PLEKHA5: variants seen among roughly 807,000 people sequenced by gnomAD.
PLEKHA5 encodes pleckstrin homology domain containing A5, also known as pleckstrin homology domain-containing family A member 5.
PLEKHA5 carries 55 observed loss-of-function variants against 181.9 expected under a neutral mutation model. The observed-to-expected ratio is 0.30, with a 90% CI of 0.24 to 0.38. PLEKHA5 has a LOEUF of 0.38. Ranked by LOEUF, PLEKHA5 falls within the 10% of genes least tolerant of loss-of-function variation. The pLI is 1.00. For missense variants in PLEKHA5, 1,432 were observed against 1,549.5 expected (o/e 0.92, Z 1.27); for synonymous variants, 535 against 529.4 (o/e 1.01, Z -0.15).
chr12:19,222,888 T>G (rs1323301011), intron 3 of PLEKHA5, among the ~76,000 whole-genome samples: 1 of 152,152 alleles, frequency 6.6e-6, no homozygotes. Flanking sequence ...GCTTTAATTT[T>G]GGCCTAAATT....
At chr12:19,158,584 A>G (rs529768431) in intron 3 of PLEKHA5, among the ~76,000 whole-genome samples, 1 of 152,106 alleles carries the variant, frequency 6.6e-6, no homozygotes, top group Non-Finnish European at 1.5e-5. Context: ...AAAAAGCACT[A>G]GTACCTAAAA....
At chr12:19,304,040 C>T (rs971417335) in intron 15 of PLEKHA5, among the ~76,000 whole-genome samples, 2 of 151,818 alleles carry the variant, frequency 1.3e-5, no homozygotes, top group Admixed American at 6.6e-5. Flanking sequence ...AACTCCTGGC[C>T]TCAAGTGATC....
intron 3 of PLEKHA5, among the ~76,000 whole-genome samples, chr12:19,132,992 A>T (rs894347478): frequency 2.0e-4 from 30 of 151,464 alleles, no homozygotes; most frequent in Admixed American, 1.2e-3. Flanking sequence ...TATAGGTAGC[A>T]AAAGTGATGT....
At chr12:19,290,902 C>A in intron 14 of PLEKHA5, 106 bp downstream of exon 14, 1 of 957,116 alleles carries the variant, frequency 1.0e-6, no homozygotes, top group Non-Finnish European at 1.5e-6. Context: ...TGAGCCCATA[C>A]CATCATTATA....
intron 3 of PLEKHA5, chr12:19,151,001 C>G (rs1032056385): frequency 6.6e-6 from 1 of 152,132 alleles, no homozygotes; most frequent in African/African-American, 2.4e-5. Flanking sequence ...ATGTATACTG[C>G]AAGGTTGGAG....
At position 19,357,717 on chromosome 12, in the gene PLEKHA5, C is replaced by A. The variant is rs150613966; in HGVS notation, c.3139-511C>A. 9.0e-3 allele frequency among the ~76,000 whole-genome samples: 1,371 copies of A among 152,090 alleles called. 12 individuals carry two copies. The highest frequency in any genetic ancestry group is 0.017 in the Admixed American group (257 of 15,254). ...GTAGCACGATCTCAGCTCGCTGCAA[C>A]CTCCACCTCCTGGGCTCAAACCATC... On this transcript the variant is annotated intron_variant, in intron 26 of 31. Transcript: ENST00000429027.
chr12:19,205,422 ATTTTTAGCAAAAGGCTAT>A (rs1437518999), intron 3 of PLEKHA5: 1 of 977,258 alleles, frequency 1.0e-6, no homozygotes, highest in Non-Finnish European at 1.2e-6. Flanking sequence ...AAGAACACAG[ATTTTTAGCAAAAGGCTAT>A]TTGGTGAGTT....
chr12:19,368,061 C>G (rs1008240252), intron 30 of PLEKHA5, among the ~76,000 whole-genome samples: 1 of 151,790 alleles, frequency 6.6e-6, no homozygotes, highest in Non-Finnish European at 1.5e-5. Context: ...ATAAATATAA[C>G]GTGTATGTTA....
At chr12:19,293,957 T>C (rs1342077969) in intron 15 of PLEKHA5, among the ~76,000 whole-genome samples, 1 of 152,238 alleles carries the variant, frequency 6.6e-6, no homozygotes, top group African/African-American at 2.4e-5. Context: ...TAATGTGTTA[T>C]TGATCTTCTC....
intron 26 of PLEKHA5, 90 bp from the exon 27 acceptor site, chr12:19,358,133 CAAAAT>C: frequency 2.4e-6 from 2 of 834,916 alleles, no homozygotes; most frequent in South Asian, 1.8e-5. Context: ...ATTTTGAAAA[CAAAAT>C]AAATAAATGC....
intron 3 of PLEKHA5, among the ~76,000 whole-genome samples, chr12:19,245,887 C>T (rs2063621111): frequency 6.6e-6 from 1 of 151,960 alleles, no homozygotes; most frequent in Non-Finnish European, 1.5e-5. Flanking sequence ...ATTAAGCAAT[C>T]CTGAGTCATC....
At chr12:19,278,396 TA>T (rs2075181490) in intron 11 of PLEKHA5, among the ~76,000 whole-genome samples, 1 of 152,204 alleles carries the variant, frequency 6.6e-6, no homozygotes, top group African/African-American at 2.4e-5. Flanking sequence ...GATATTAGTT[TA>T]TAAGCAACTT....
At chr12:19,138,922 C>A (rs753841204) in intron 3 of PLEKHA5, among the ~76,000 whole-genome samples, 6 of 152,090 alleles carry the variant, frequency 3.9e-5, no homozygotes, top group Non-Finnish European at 5.9e-5. Flanking sequence ...ATTTTCCGGG[C>A]AAGCCTTTGC....
intron 3 of PLEKHA5, among the ~76,000 whole-genome samples, chr12:19,155,367 C>T (rs1219852663): frequency 6.6e-6 from 1 of 152,112 alleles, no homozygotes; most frequent in Non-Finnish European, 1.5e-5. Flanking sequence ...TAAGAAGGAG[C>T]CTGCTGGGAA....
chr12:19,306,600 C>G (rs2083763077), intron 15 of PLEKHA5: 5 of 877,538 alleles, frequency 5.7e-6, no homozygotes, highest in Admixed American at 3.4e-5. Flanking sequence ...AGCGGCGGGC[C>G]CAGTAGCGGA....
Position 19,265,862 on chromosome 12 carries a change from A to G in PLEKHA5, c.711+12A>G. On this transcript the variant is annotated intron_variant, in intron 8 of 31. Coordinates refer to ENST00000429027, the MANE Select transcript of PLEKHA5 (RefSeq NM_001256470.2). ...AATATGCTTTTAAGGTAAGGAAATAATGCAGTTTTTAATTCTGTGTTCAAA... is the reference window on the plus strand; with the variant it reads ...AATATGCTTTTAAGGTAAGGAAATAGTGCAGTTTTTAATTCTGTGTTCAAA... 2 of 1,460,946 alleles carry G rather than the reference A, an allele frequency of 1.4e-6. No homozygotes were observed. The highest frequency in any genetic ancestry group is 1.7e-5 in the Admixed American group (1 of 57,146). 90.5% of individuals were successfully genotyped at this position (1,460,946 alleles called of 1,614,324 possible).
chr12:19,228,742 C>T lies in PLEKHA5; in HGVS notation c.228-25198C>T, dbSNP rs184410297. The stretch of plus-strand genomic sequence containing the variant: ...TTCTGTACTTATCTATTCCACTTAC[C>T]CACCCACACCTAGACATTCTCTTTT... On this transcript the variant is annotated intron_variant, in intron 3 of 31. Coordinates refer to ENST00000429027, the MANE Select transcript of PLEKHA5 (RefSeq NM_001256470.2). Among the ~76,000 whole-genome samples the T allele has an allele frequency of 8.2e-4, 125 of 152,206 alleles. 1 individual carries two copies. The highest frequency in any genetic ancestry group is 2.8e-3 in the African/African-American group (117 of 41,508).
At chr12:19,180,661 A>G (rs928715276) in intron 3 of PLEKHA5, among the ~76,000 whole-genome samples, 3 of 152,208 alleles carry the variant, frequency 2.0e-5, no homozygotes, top group Admixed American at 2.0e-4. Context: ...GATTGTTGCA[A>G]TTATATTTCT....
chr12:19,151,372 T>A lies in PLEKHA5; in HGVS notation c.227+18922T>A, dbSNP rs370187299. ...GGTTAATGCCAGGTCAGTAGATGGA[T>A]TGAGAGAGGAATTGGAGATAAAGTT... On this transcript the variant is annotated intron_variant, in intron 3 of 31. Transcript: ENST00000429027. The A allele has an allele frequency of 3.3e-5, 5 of 152,174 alleles. No homozygotes were observed. The South Asian group carries it at 6.2e-4, about 19-fold the overall frequency. The allele number at this position is 152,174 out of a possible 1,614,324, so 9.4% of individuals were successfully genotyped here.
Sources: gnomAD v4.1 joint callset for allele counts (sites outside exome capture counted in the v4.1 genomes callset) on GRCh38, gnomAD v4.1.1 for gene constraint, MANE v1.5 for transcripts, NCBI Gene and HGNC (gene_info 2026-07-23, HGNC 2026-07-21) for gene names.